OXR1: variants seen among roughly 807,000 people sequenced by gnomAD.
OXR1 encodes the protein oxidation resistance 1, also known as oxidation resistance protein 1.
OXR1 carries 41 observed loss-of-function variants against 104.6 expected under a neutral mutation model. That is an observed-to-expected ratio of 0.39 (90% CI 0.31 to 0.51). The LOEUF (loss-of-function observed/expected upper bound fraction) is 0.51. Ranked by LOEUF, OXR1 falls within the 20% of genes least tolerant of loss-of-function variation. OXR1 has a pLI of 0.77. For missense variants in OXR1, 955 were observed against 1,031.9 expected (o/e 0.93, Z 1.02); for synonymous variants, 348 against 348.4 (o/e 1.00, Z 0.01).
intron 3 of OXR1, among the ~76,000 whole-genome samples, chr8:106,614,275 A>G (rs949946310): frequency 6.6e-6 from 1 of 152,198 alleles, no homozygotes; most frequent in Non-Finnish European, 1.5e-5. Context: ...TCTCAAGCAC[A>G]TTTTTCAATC....
intron 11 of OXR1, among the ~76,000 whole-genome samples, chr8:106,728,246 A>C (rs1833537306): frequency 6.6e-6 from 1 of 150,546 alleles, no homozygotes; most frequent in East Asian, 1.9e-4. Context: ...AAAAAATTCT[A>C]AGAGAATAAC....
In OXR1 at chr8:106,751,662, A is replaced by G. The variant is rs1474819833; in HGVS notation, c.*721A>G. 2 of 152,574 alleles carry G rather than the reference A, an allele frequency of 1.3e-5. No homozygotes were observed. The highest frequency in any genetic ancestry group is 2.9e-5 in the Non-Finnish European group (2 of 67,986). 9.5% of individuals were successfully genotyped at this position (152,574 alleles called of 1,614,324 possible). Reference sequence around the variant, plus strand: ...AGTCACAAAGGAGAATGAGAACTTAATGATTCTATTGGATTTAATATATTA... The same window carrying G: ...AGTCACAAAGGAGAATGAGAACTTAGTGATTCTATTGGATTTAATATATTA... On this transcript the variant is annotated 3_prime_UTR_variant, in exon 17 of 17. Coordinates refer to ENST00000517566, the MANE Select transcript of OXR1 (RefSeq NM_001198533.2).
intron 4 of OXR1, among the ~76,000 whole-genome samples, chr8:106,682,100 A>G (rs1828210400): frequency 6.6e-6 from 1 of 152,078 alleles, no homozygotes; most frequent in African/African-American, 2.4e-5. Context: ...TTTGGATTAC[A>G]TGGTGCTTTT....
chr8:106,728,480 G>C (rs1327874721), intron 11 of OXR1, among the ~76,000 whole-genome samples: 1 of 151,974 alleles, frequency 6.6e-6, no homozygotes, highest in Non-Finnish European at 1.5e-5. Context: ...AGATTGTTTT[G>C]TTTTATAAGT....
intron 4 of OXR1, 68 bp downstream of exon 4, chr8:106,679,360 A>G: frequency 2.9e-6 from 2 of 699,466 alleles, no homozygotes; most frequent in Non-Finnish European, 4.8e-6. Context: ...TTCTCTGTTT[A>G]TACTATAAAT....
chr8:106,277,289 T>A (rs1812087803), intron 1 of OXR1, among the ~76,000 whole-genome samples: 1 of 152,174 alleles, frequency 6.6e-6, no homozygotes, highest in East Asian at 1.9e-4. Context: ...TACAAAAAAA[T>A]TGGGCAAATT....
At chr8:106,412,903 T>C (rs1818516631) in intron 2 of OXR1, among the ~76,000 whole-genome samples, 1 of 152,108 alleles carries the variant, frequency 6.6e-6, no homozygotes, top group Non-Finnish European at 1.5e-5. Flanking sequence ...CTATTTATTT[T>C]TATGGTCCTA....
At chr8:106,699,492 T>C (rs1247987887) in intron 7 of OXR1, among the ~76,000 whole-genome samples, 2 of 152,210 alleles carry the variant, frequency 1.3e-5, no homozygotes, top group African/African-American at 4.8e-5. Flanking sequence ...TATTCAGGTA[T>C]CATTGCCTAG....
At chr8:106,290,875 A>G (rs1812720206) in intron 1 of OXR1, among the ~76,000 whole-genome samples, 2 of 152,198 alleles carry the variant, frequency 1.3e-5, no homozygotes, top group Non-Finnish European at 2.9e-5. Context: ...CATAGTGGGA[A>G]GCAGTTTGGA....
chr8:106,687,897 A>C (rs1300041147), intron 6 of OXR1, among the ~76,000 whole-genome samples: 1 of 152,110 alleles, frequency 6.6e-6, no homozygotes, highest in Non-Finnish European at 1.5e-5. Context: ...CGGAGCCCAT[A>C]TTTTTTATTA....
chr8:106,467,021 C>A (rs1821207907), intron 2 of OXR1, among the ~76,000 whole-genome samples: 1 of 151,812 alleles, frequency 6.6e-6, no homozygotes, highest in Non-Finnish European at 1.5e-5. Flanking sequence ...AGTATCCTTT[C>A]CAATTTTTAG....
At chr8:106,320,233 T>TCCTCA (rs1328044358) in intron 1 of OXR1, among the ~76,000 whole-genome samples, 1 of 152,210 alleles carries the variant, frequency 6.6e-6, no homozygotes, top group African/African-American at 2.4e-5. Context: ...TCTGTGACTC[T>TCCTCA]CCTCACCTTC....
intron 2 of OXR1, among the ~76,000 whole-genome samples, chr8:106,376,233 C>A (rs1018454462): frequency 2.0e-5 from 3 of 152,202 alleles, no homozygotes; most frequent in African/African-American, 4.8e-5. Context: ...ATAAAACAAC[C>A]CTGTTCCCAT....
At chr8:106,586,216 C>T (rs1046803966) in intron 3 of OXR1, among the ~76,000 whole-genome samples, 3 of 151,844 alleles carry the variant, frequency 2.0e-5, no homozygotes, top group Non-Finnish European at 4.4e-5. Flanking sequence ...GATGGTAGTG[C>T]TAGAGGTGGT....
chr8:106,567,764 T>A (rs1404628057), intron 3 of OXR1, among the ~76,000 whole-genome samples: 3 of 152,182 alleles, frequency 2.0e-5, no homozygotes, highest in Non-Finnish European at 4.4e-5. Context: ...AATTTTTAAA[T>A]AATTTTCTGC....
chr8:106,526,585 C>A (rs1006153042), intron 3 of OXR1, among the ~76,000 whole-genome samples: 33 of 152,330 alleles, frequency 2.2e-4, no homozygotes, highest in Non-Finnish European at 1.0e-4. Flanking sequence ...CTCTGTCGCC[C>A]AGGCTGGAGT....
chr8:106,731,250 T>C (rs992766735), intron 11 of OXR1, among the ~76,000 whole-genome samples: 2 of 152,202 alleles, frequency 1.3e-5, no homozygotes, highest in African/African-American at 4.8e-5. Context: ...TACATAAACA[T>C]AGAGATAGAA....
chr8:106,381,536 A>C (rs1299575458), intron 2 of OXR1, among the ~76,000 whole-genome samples: 2 of 152,136 alleles, frequency 1.3e-5, no homozygotes. Flanking sequence ...GGAGCTGTAT[A>C]ATAATGGCCA....
chr8:106,730,340 C>T (rs1833764938), intron 11 of OXR1, among the ~76,000 whole-genome samples: 1 of 151,940 alleles, frequency 6.6e-6, no homozygotes, highest in Non-Finnish European at 1.5e-5. Context: ...GTTGTAGAAT[C>T]ACATGCTATA....
Sources: gnomAD v4.1 joint callset for allele counts (sites outside exome capture counted in the v4.1 genomes callset) on GRCh38, gnomAD v4.1.1 for gene constraint, MANE v1.5 for transcripts, NCBI Gene and HGNC (gene_info 2026-07-23, HGNC 2026-07-21) for gene names.